Variants in IFT43 observed in about 807,000 individuals in gnomAD.
IFT43 encodes the protein intraflagellar transport protein 43 homolog.
In IFT43, 33 loss-of-function variants were observed where a neutral mutation model predicts 32.3. That is an observed-to-expected ratio of 1.02 (90% CI 0.77 to 1.37). The LOEUF is 1.37. IFT43 is among the 40% of genes most tolerant of loss of function. The probability of loss-of-function intolerance (pLI) is 0.00; values close to 1 mark genes in which losing one functional copy is unlikely to be tolerated. For synonymous variants in IFT43, 93 were observed against 98.2 expected (o/e 0.95, Z 0.31); for missense variants, 274 against 265.9 (o/e 1.03, Z -0.21).
chr14:76,026,561 A>AG (rs2036399494), intron 3 of IFT43, among the ~76,000 whole-genome samples: 1 of 151,836 alleles, frequency 6.6e-6, no homozygotes, highest in African/African-American at 2.4e-5. Flanking sequence ...TCAAAAAAAA[A>AG]AAAAAAAAAA....
At chr14:76,065,122 T>G (rs112405685) in intron 5 of IFT43, among the ~76,000 whole-genome samples, 1 of 152,172 alleles carries the variant, frequency 6.6e-6, no homozygotes, top group Admixed American at 6.5e-5. Context: ...GACCTGTCCT[T>G]TGTCATGTTA....
At chr14:76,027,336 C>A (rs553346144) in intron 3 of IFT43, among the ~76,000 whole-genome samples, 4 of 47,634 alleles carry the variant, frequency 8.4e-5, no homozygotes, top group Non-Finnish European at 2.0e-4. Context: ...CCCCAACACC[C>A]CCCACACACA....
rs112135857 is a variant in IFT43, at chr14:76,048,277, G to A, written c.216-10365G>A. On this transcript the variant is annotated intron_variant, in intron 3 of 8. Transcript: ENST00000314067. ...CCCTCACAGAATTGAGATGTTGATC[G>A]TATGAAGCAATCTTATTGAACAAAA... is the stretch of plus-strand genomic sequence containing the variant. 3.7e-3 allele frequency among the ~76,000 whole-genome samples: 569 copies of A among 152,290 alleles called. 1 individual carries two copies. Among genetic ancestry groups the A allele is most frequent in the Non-Finnish European group, 5.0e-3 (337 of 68,030 alleles).
intron 3 of IFT43, among the ~76,000 whole-genome samples, chr14:76,036,812 C>A (rs1199982633): frequency 6.6e-6 from 1 of 151,934 alleles, no homozygotes; most frequent in Non-Finnish European, 1.5e-5. Flanking sequence ...CCTTCCTTCC[C>A]TCCCTCTGTC....
At chr14:76,070,441 TCC>T (rs1205496688) in intron 5 of IFT43, among the ~76,000 whole-genome samples, 3 of 152,196 alleles carry the variant, frequency 2.0e-5, no homozygotes, top group African/African-American at 7.2e-5. Context: ...ATGGCTCAAC[TCC>T]ACTCTCACTT....
rs376938047 is a variant in IFT43 at position 75,995,433 on chromosome 14, C to G, written c.147+6456C>G. On this transcript the variant is annotated intron_variant, in intron 2 of 8. Transcript: ENST00000314067. ...GAGTCACAGCTGTTCCCTTTCTCTCCCCCTATTCCCTTGGTGTTCCTCCGA... is the reference window on the plus strand; with the variant it reads ...GAGTCACAGCTGTTCCCTTTCTCTCGCCCTATTCCCTTGGTGTTCCTCCGA... Among the ~76,000 whole-genome samples, 188 of 152,200 alleles carry G rather than the reference C, an allele frequency of 1.2e-3. 5 individuals carry two copies. In the South Asian group the frequency reaches 0.037, roughly 30 times the overall value.
intron 3 of IFT43, among the ~76,000 whole-genome samples, chr14:76,034,657 G>C (rs1234244387): frequency 6.6e-6 from 1 of 152,176 alleles, no homozygotes; most frequent in Admixed American, 6.5e-5. Flanking sequence ...GGATACCTTG[G>C]CTTTATTTGC....
At chr14:76,008,608 C>G (rs1416453303) in intron 2 of IFT43, among the ~76,000 whole-genome samples, 2 of 152,166 alleles carry the variant, frequency 1.3e-5, no homozygotes, top group Non-Finnish European at 2.9e-5. Flanking sequence ...CCTGCTCCCT[C>G]TTCCTTTGCT....
At chr14:76,079,947 G>C (rs7143217) in intron 5 of IFT43, among the ~76,000 whole-genome samples, 1 of 151,580 alleles carries the variant, frequency 6.6e-6, no homozygotes, top group Non-Finnish European at 1.5e-5. Flanking sequence ...GAGTGGGGAG[G>C]GGGGAAGGAG....
rs34050145 is a variant in IFT43, at chr14:75,996,836, GA to G, written c.147+7865del. Among the ~76,000 whole-genome samples the G allele has an allele frequency of 9.9e-5, 15 of 152,116 alleles. 1 individual carries two copies. The highest frequency in any genetic ancestry group is 3.6e-4 in the African/African-American group (15 of 41,420). On this transcript the variant is annotated intron_variant, in intron 2 of 8. Coordinates refer to ENST00000314067, the MANE Select transcript of IFT43 (RefSeq NM_001102564.3). ...GACCTTGGTGACCTCAGTTACCTTG[GA>G]AAAAAGGAAATATTCATTCATTTAT...
intron 5 of IFT43, among the ~76,000 whole-genome samples, chr14:76,075,735 C>A (rs1326280386): frequency 6.6e-6 from 1 of 152,202 alleles, no homozygotes; most frequent in Non-Finnish European, 1.5e-5. Flanking sequence ...ACAGATGAAT[C>A]CTGTCATGTG....
At chr14:75,990,037 T>C (rs2035606821) in intron 2 of IFT43, among the ~76,000 whole-genome samples, 1 of 152,236 alleles carries the variant, frequency 6.6e-6, no homozygotes, top group African/African-American at 2.4e-5. Context: ...TAAGATAACA[T>C]CTGTGCTGGC....
At chr14:76,042,069 C>T (rs2036717920) in intron 3 of IFT43, among the ~76,000 whole-genome samples, 1 of 151,876 alleles carries the variant, frequency 6.6e-6, no homozygotes, top group Non-Finnish European at 1.5e-5. Flanking sequence ...TGTGGAGAGC[C>T]CACGTGTCTT....
intron 3 of IFT43, among the ~76,000 whole-genome samples, chr14:76,036,603 C>A (rs1409625241): frequency 1.3e-5 from 2 of 152,084 alleles, no homozygotes; most frequent in Admixed American, 6.6e-5. Context: ...CAAGGTTTTG[C>A]CATGCTGGCC....
At chr14:76,045,052 T>TG (rs548122627) in intron 3 of IFT43, among the ~76,000 whole-genome samples, 59 of 152,346 alleles carry the variant, frequency 3.9e-4, no homozygotes, top group Middle Eastern at 6.8e-3. Flanking sequence ...TTCAACTGTA[T>TG]GGGGGGTCTG....
At chr14:75,999,280 T>TAATATTCATTTATATATAAATTC (rs2035836675) in intron 2 of IFT43, among the ~76,000 whole-genome samples, 6 of 23,730 alleles carry the variant, frequency 2.5e-4, no homozygotes, top group Non-Finnish European at 5.0e-4. Context: ...TATGTATATA[T>TAATATTCATTTATATATAAATTC]ATTTTTTTTT....
At position 76,022,315 on chromosome 14, in the gene IFT43, C is replaced by G. The variant is rs779554488; in HGVS notation, c.148-12C>G. 1 of 1,610,306 alleles carries G rather than the reference C, an allele frequency of 6.2e-7. No individual in the cohort carries two copies. Among genetic ancestry groups the G allele is most frequent in the South Asian group, 1.1e-5 (1 of 90,988 alleles). On this transcript the variant is annotated splice_polypyrimidine_tract_variant and intron_variant, in intron 2 of 8. Transcript: ENST00000314067. ...GAGTGAATGTGTTCTTTTGACTTCT[C>G]TTTCCTTGTAGACTTCCTCTGCTAA... is the stretch of plus-strand genomic sequence containing the variant.
chr14:76,044,442 A>G (rs1432226265), intron 3 of IFT43, among the ~76,000 whole-genome samples: 1 of 152,140 alleles, frequency 6.6e-6, no homozygotes, highest in Non-Finnish European at 1.5e-5. Flanking sequence ...GAAGTGTGCC[A>G]CCCTCCCATC....
intron 2 of IFT43, among the ~76,000 whole-genome samples, chr14:76,020,582 G>A (rs1161440600): frequency 6.6e-6 from 1 of 151,914 alleles, no homozygotes; most frequent in African/African-American, 2.4e-5. Flanking sequence ...CTTTGATTCT[G>A]GGTGGGTGCA....
Sources: gnomAD v4.1 joint callset for allele counts (sites outside exome capture counted in the v4.1 genomes callset) on GRCh38, gnomAD v4.1.1 for gene constraint, MANE v1.5 for transcripts, NCBI Gene and HGNC (gene_info 2026-07-23, HGNC 2026-07-21) for gene names.